Variants in FARS2 observed in about 807,000 individuals in gnomAD.
The protein encoded by FARS2 is phenylalanine--tRNA ligase, mitochondrial.
In FARS2, 40 loss-of-function variants were observed where a neutral mutation model predicts 46.4. That is an observed-to-expected ratio of 0.86 (90% CI 0.67 to 1.12). The LOEUF (loss-of-function observed/expected upper bound fraction) is 1.12. Ranked by LOEUF, FARS2 falls within the 50% of genes most tolerant of loss-of-function variation. The pLI, the probability that FARS2 is intolerant of heterozygous loss-of-function variation, is 0.00. For missense variants in FARS2, 513 were observed against 567.9 expected (o/e 0.90, Z 0.98); for synonymous variants, 234 against 214.9 (o/e 1.09, Z -0.78).
At chr6:5,412,131 A>G (rs1761971557) in intron 3 of FARS2, among the ~76,000 whole-genome samples, 1 of 152,162 alleles carries the variant, frequency 6.6e-6, no homozygotes, top group Admixed American at 6.5e-5. Flanking sequence ...TGTGGTGGTC[A>G]TTGAAATGCA....
intron 4 of FARS2, among the ~76,000 whole-genome samples, chr6:5,514,227 C>A (rs1768646555): frequency 6.6e-6 from 1 of 152,020 alleles, no homozygotes; most frequent in Non-Finnish European, 1.5e-5. Flanking sequence ...ATCTGCCAGC[C>A]ACCTAGTTAA....
At chr6:5,268,996 C>A (rs1355716170) in intron 1 of FARS2, among the ~76,000 whole-genome samples, 1 of 152,094 alleles carries the variant, frequency 6.6e-6, no homozygotes, top group African/African-American at 2.4e-5. Context: ...TGGGTATATA[C>A]CCAAAGGATT....
At chr6:5,598,704 A>T (rs940624046) in intron 5 of FARS2, among the ~76,000 whole-genome samples, 1 of 152,164 alleles carries the variant, frequency 6.6e-6, no homozygotes, top group African/African-American at 2.4e-5. Context: ...GGAGGTCAGG[A>T]AGAAATCGAA....
At chr6:5,408,440 A>G (rs575149568) in intron 3 of FARS2, among the ~76,000 whole-genome samples, 2 of 152,334 alleles carry the variant, frequency 1.3e-5, no homozygotes, top group South Asian at 4.1e-4. Flanking sequence ...AGGAAAGAAG[A>G]GGCAAGGGGA....
rs189079895 is a variant in FARS2 at position 5,692,655 on chromosome 6, A to C, written c.1218-78636A>C. Among the ~76,000 whole-genome samples the C allele has an allele frequency of 1.1e-3, 175 of 152,368 alleles. 1 individual carries two copies. Among genetic ancestry groups the C allele is most frequent in the African/African-American group, 3.9e-3 (162 of 41,588 alleles). On this transcript the variant is annotated intron_variant, in intron 6 of 6. Coordinates refer to ENST00000274680, the MANE Select transcript of FARS2 (RefSeq NM_006567.5). ...AAATCTTAATCTGTTTATGTTAAAC[A>C]ATGTTAGCAGAGGAATATGAAATTA...
intron 4 of FARS2, among the ~76,000 whole-genome samples, chr6:5,523,506 C>T (rs1025324810): frequency 3.3e-5 from 5 of 150,592 alleles, no homozygotes; most frequent in East Asian, 3.9e-4. Context: ...CGGGCATGGG[C>T]GATGTCATAT....
chr6:5,435,467 G>T (rs547196135), intron 4 of FARS2, among the ~76,000 whole-genome samples: 1 of 152,186 alleles, frequency 6.6e-6, no homozygotes, highest in Non-Finnish European at 1.5e-5. Context: ...CTTTTAAATG[G>T]CTTGTAGCAT....
chr6:5,559,558 T>C (rs912211027), intron 5 of FARS2, among the ~76,000 whole-genome samples: 2 of 152,196 alleles, frequency 1.3e-5, no homozygotes, highest in African/African-American at 2.4e-5. Context: ...TTTGTATGTG[T>C]CCAAAAAACA....
intron 4 of FARS2, among the ~76,000 whole-genome samples, chr6:5,536,808 A>G (rs1029112895): frequency 1.3e-5 from 2 of 152,226 alleles, no homozygotes; most frequent in African/African-American, 4.8e-5. Context: ...AGATCTTCTC[A>G]CTGTAGAAGC....
intron 4 of FARS2, among the ~76,000 whole-genome samples, chr6:5,499,521 C>A (rs9504417): frequency 0.13 from 20,168 of 152,200 alleles, 1,366 homozygotes; most frequent in South Asian, 0.2. Flanking sequence ...TGGAGCAAGT[C>A]ATTTAATCTC....
intron 6 of FARS2, among the ~76,000 whole-genome samples, chr6:5,768,274 T>C (rs1464862369): frequency 6.6e-6 from 1 of 152,240 alleles, no homozygotes. Context: ...ATTTCTCTCA[T>C]ATCTATATAT....
intron 4 of FARS2, among the ~76,000 whole-genome samples, chr6:5,527,159 A>G (rs1769517910): frequency 6.6e-6 from 1 of 152,244 alleles, no homozygotes. Context: ...TATTCTCACC[A>G]GTCAGCAATG....
At chr6:5,675,860 C>A (rs1438459316) in intron 6 of FARS2, among the ~76,000 whole-genome samples, 4 of 152,162 alleles carry the variant, frequency 2.6e-5, no homozygotes, top group Non-Finnish European at 5.9e-5. Context: ...CTGTCTTTTG[C>A]ATAGCACAGA....
rs565058250 is a variant in FARS2, at chr6:5,727,212, T to C, written c.1218-44079T>C. ...CTGTAGGGGTGGGCATGGGAGGGGC[T>C]GTTCCTCTCATCACTAGTTTTATTC... On this transcript the variant is annotated intron_variant, in intron 6 of 6. Transcript: ENST00000274680. The surrounding 1 kb of genome is among the most constrained non-coding windows in gnomAD (Gnocchi z 4.1). 1.3e-5 allele frequency among the ~76,000 whole-genome samples: 2 copies of C among 152,344 alleles called. No individual in the cohort carries two copies. Among genetic ancestry groups the C allele is most frequent in the East Asian group, 1.9e-4 (1 of 5,184 alleles).
At chr6:5,369,802 G>A (rs146870637) in intron 2 of FARS2, among the ~76,000 whole-genome samples, 39 of 151,868 alleles carry the variant, frequency 2.6e-4, no homozygotes, top group Admixed American at 4.6e-4. Flanking sequence ...AACTCCTTGC[G>A]TCTGTTAGAT....
intron 5 of FARS2, among the ~76,000 whole-genome samples, chr6:5,563,026 T>C (rs1772099882): frequency 6.6e-6 from 1 of 151,998 alleles, no homozygotes; most frequent in East Asian, 1.9e-4. Flanking sequence ...GCAGAAAGTT[T>C]AATAGGCAAG....
chr6:5,660,541 G>A (rs1030975923), intron 6 of FARS2, among the ~76,000 whole-genome samples: 24 of 152,066 alleles, frequency 1.6e-4, no homozygotes, highest in Admixed American at 3.9e-4. Flanking sequence ...CCAGCTACTT[G>A]GGAGGCTGAG....
chr6:5,637,913 A>G (rs960309059), intron 6 of FARS2, among the ~76,000 whole-genome samples: 2 of 152,162 alleles, frequency 1.3e-5, no homozygotes, highest in Non-Finnish European at 2.9e-5. Context: ...CTGTCTCTCA[A>G]TACAGCCACA....
At chr6:5,539,347 C>T (rs1252774033) in intron 4 of FARS2, among the ~76,000 whole-genome samples, 1 of 124,802 alleles carries the variant, frequency 8.0e-6, no homozygotes, top group Non-Finnish European at 1.7e-5. Context: ...GCTGGGACTA[C>T]AGGTGCCCGC....
Sources: gnomAD v4.1 joint callset for allele counts (sites outside exome capture counted in the v4.1 genomes callset) on GRCh38, gnomAD v4.1.1 for gene constraint, Gnocchi (gnomAD v3.1) non-coding constraint, MANE v1.5 for transcripts, NCBI Gene and HGNC (gene_info 2026-07-23, HGNC 2026-07-21) for gene names.